PLEKHA5: variants seen among roughly 807,000 people sequenced by gnomAD.
PLEKHA5 encodes pleckstrin homology domain-containing family A member 5.
PLEKHA5 carries 55 observed loss-of-function variants against 181.9 expected under a neutral mutation model. The ratio of observed to expected loss-of-function variants is 0.30; its 90% CI spans 0.24 to 0.38. PLEKHA5 has a LOEUF of 0.38. Among genes scored for constraint, PLEKHA5 ranks in the 10% least tolerant of loss-of-function variants. The pLI is 1.00. For missense variants in PLEKHA5, 1,432 were observed against 1,549.5 expected, an observed-to-expected ratio of 0.92 and a Z score of 1.27; for synonymous variants, 535 against 529.4, an observed-to-expected ratio of 1.01 and a Z score of -0.15.
intron 3 of PLEKHA5, among the ~76,000 whole-genome samples, chr12:19,214,442 G>A (rs998453161): frequency 1.3e-5 from 2 of 152,072 alleles, no homozygotes; most frequent in African/African-American, 4.8e-5. Context: ...TTTTGACTGA[G>A]AAGGAAAAGA....
chr12:19,189,366 A>C (rs1035373133), intron 3 of PLEKHA5, among the ~76,000 whole-genome samples: 1 of 152,238 alleles, frequency 6.6e-6, no homozygotes, highest in African/African-American at 2.4e-5. Flanking sequence ...GTCAGCAGAG[A>C]TGGAGGAAGG....
intron 3 of PLEKHA5, chr12:19,150,089 T>C (rs1348486180): frequency 2.6e-5 from 4 of 152,336 alleles, no homozygotes; most frequent in Non-Finnish European, 5.9e-5. Flanking sequence ...GTCTGAAATA[T>C]GGGATTACAC....
At chr12:19,300,714 CAT>C (rs367622277) in intron 15 of PLEKHA5, among the ~76,000 whole-genome samples, 519 of 152,258 alleles carry the variant, frequency 3.4e-3, no homozygotes, top group African/African-American at 0.012. Context: ...GTTGTTGAAA[CAT>C]AAGCTGATAA....
intron 3 of PLEKHA5, among the ~76,000 whole-genome samples, chr12:19,186,246 A>G (rs1312056662): frequency 1.3e-5 from 2 of 152,252 alleles, no homozygotes; most frequent in South Asian, 2.1e-4. Context: ...ATATAATTCA[A>G]TAAACTGTTT....
At chr12:19,224,866 A>G (rs2059474110) in intron 3 of PLEKHA5, among the ~76,000 whole-genome samples, 1 of 152,126 alleles carries the variant, frequency 6.6e-6, no homozygotes, top group South Asian at 2.1e-4. Context: ...GCCAGGCATG[A>G]TGGTGTGCAC....
In PLEKHA5 at chr12:19,279,659, CA is replaced by C. The variant is rs747823499; in HGVS notation, c.1314-3607del. On this transcript the variant is annotated intron_variant, in intron 11 of 31. Transcript: ENST00000429027. Reference sequence around the variant, plus strand: ...TGGACGACAGAGTGAGACTCCATCTCAAAAAAAAAAAAAATACATACATATA... The same window carrying C: ...TGGACGACAGAGTGAGACTCCATCTCAAAAAAAAAAAAATACATACATATA... Among the ~76,000 whole-genome samples the C allele has an allele frequency of 6.1e-3, 796 of 130,994 alleles. 2 individuals carry two copies. Among genetic ancestry groups the C allele is most frequent in the African/African-American group, 0.012 (432 of 35,984 alleles). 85.9% of individuals were successfully genotyped at this position (130,994 alleles called of 152,430 possible).
intron 8 of PLEKHA5, among the ~76,000 whole-genome samples, chr12:19,266,385 G>A (rs960338948): frequency 5.3e-5 from 8 of 151,740 alleles, no homozygotes; most frequent in Admixed American, 1.3e-4. Context: ...TTGGGAGGCC[G>A]AGGTGAAAGG....
chr12:19,212,912 A>G (rs1413359398), intron 3 of PLEKHA5, among the ~76,000 whole-genome samples: 1 of 150,996 alleles, frequency 6.6e-6, no homozygotes, highest in East Asian at 1.9e-4. Flanking sequence ...GATCTATGTA[A>G]CTCCAAAATT....
intron 3 of PLEKHA5, among the ~76,000 whole-genome samples, chr12:19,242,852 A>G (rs536385847): frequency 1.8e-4 from 28 of 152,206 alleles, no homozygotes; most frequent in African/African-American, 6.7e-4. Context: ...TATTATTTGT[A>G]TTTAAATTCT....
chr12:19,273,044 T>C (rs2073459589), intron 10 of PLEKHA5, among the ~76,000 whole-genome samples: 1 of 146,172 alleles, frequency 6.8e-6, no homozygotes, highest in Non-Finnish European at 1.5e-5. Flanking sequence ...GTAGGTGGGA[T>C]TACAGATGTC....
chr12:19,257,537 G>A lies in PLEKHA5; in HGVS notation c.537G>A (p.Gln179=). The change falls in exon 6 of 32, where the codon CAG becomes CAA. Residue 179 remains glutamine, a splice_region_variant and synonymous_variant. Coordinates refer to ENST00000429027, the MANE Select transcript of PLEKHA5 (RefSeq NM_001256470.2). ...TCAGACGAGGTTGGCTTTATAAACA[G>A]GTATTTTTTTTTTTTTGATATGAAA... ...PVVRRGWLYK[Q]DSTGMKLWKK... is the part of the protein sequence containing the mutation. 1.3e-6 allele frequency: 2 copies of A among 1,508,402 alleles called. No homozygotes were observed. The highest frequency in any genetic ancestry group is 1.8e-6 in the Non-Finnish European group (2 of 1,105,586). The allele number at this position is 1,508,402 out of a possible 1,614,324, so 93.4% of individuals were successfully genotyped here. A position where few individuals can be genotyped will look rare whatever the true frequency, so the allele number is the denominator to read the frequency against.
At chr12:19,233,999 C>T (rs1339099091) in intron 3 of PLEKHA5, among the ~76,000 whole-genome samples, 1 of 152,180 alleles carries the variant, frequency 6.6e-6, no homozygotes, top group East Asian at 1.9e-4. Context: ...TTAAACTTGT[C>T]ATCAGTGACA....
chr12:19,222,433 TAC>T (rs2059099769), intron 3 of PLEKHA5, among the ~76,000 whole-genome samples: 1 of 152,170 alleles, frequency 6.6e-6, no homozygotes, highest in African/African-American at 2.4e-5. Context: ...CTTTGGGAAT[TAC>T]AGAGTGCACT....
At chr12:19,262,818 A>G (rs1220394833) in intron 7 of PLEKHA5, among the ~76,000 whole-genome samples, 1 of 152,200 alleles carries the variant, frequency 6.6e-6, no homozygotes, top group African/African-American at 2.4e-5. Context: ...AGACCTCAGC[A>G]TCACGCAATT....
At chr12:19,351,519 G>A (rs572830677) in intron 25 of PLEKHA5, among the ~76,000 whole-genome samples, 102 of 152,172 alleles carry the variant, frequency 6.7e-4, no homozygotes, top group Middle Eastern at 3.4e-3. Context: ...TAATGATTTT[G>A]ACTAACTTCA....
intron 7 of PLEKHA5, among the ~76,000 whole-genome samples, chr12:19,261,970 C>T (rs1002431120): frequency 5.9e-5 from 9 of 152,060 alleles, no homozygotes; most frequent in Non-Finnish European, 1.2e-4. Flanking sequence ...ATTAACCAAC[C>T]GTATAAAATT....
chr12:19,366,101 C>T lies in PLEKHA5; in HGVS notation c.3746C>T (p.Thr1249Ile). The T allele has an allele frequency of 6.2e-7, 1 of 1,610,214 alleles. No individual in the cohort carries two copies. Among genetic ancestry groups the T allele is most frequent in the Non-Finnish European group, 8.5e-7 (1 of 1,177,980 alleles). The change falls in exon 30 of 32, where the codon ACA becomes ATA. Residue 1249 changes from threonine (T) to isoleucine (I), a missense_variant. This residue lies in a region of PLEKHA5 where 1,143 missense variants were observed against 1,168.4 expected (regional missense o/e 0.98). Transcript: ENST00000429027. The part of the protein sequence containing the change: ...STPEVSRGNQ[T>I]MAVKSLSPSP... ...CCTGAGGTTTCTAGAGGAAATCAAA[C>T]AATGGCAGGTAGGTAGTATACACTT...
intron 21 of PLEKHA5, among the ~76,000 whole-genome samples, chr12:19,338,125 T>C (rs1369640129): frequency 2.6e-5 from 4 of 152,174 alleles, no homozygotes; most frequent in Admixed American, 2.0e-4. Context: ...CATGTAGTTG[T>C]TGGGCATATG....
At chr12:19,281,099 GGT>G (rs1361958080) in intron 11 of PLEKHA5, among the ~76,000 whole-genome samples, 1 of 152,028 alleles carries the variant, frequency 6.6e-6, no homozygotes, top group Non-Finnish European at 1.5e-5. Flanking sequence ...AGCCACACAT[GGT>G]GGCATATATC....
Sources: gnomAD v4.1 joint callset for allele counts (sites outside exome capture counted in the v4.1 genomes callset) on GRCh38, gnomAD v4.1.1 for gene constraint, gnomAD v4.1.1 regional missense constraint, MANE v1.5 for transcripts, NCBI Gene and HGNC (gene_info 2026-07-23, HGNC 2026-07-21) for gene names.